Variants in GALNT13 observed in about 807,000 individuals in gnomAD.
GALNT13 encodes polypeptide N-acetylgalactosaminyltransferase 13, also known as UDP-GalNAc:polypeptide N-acetylgalactosaminyltransferase 13.
Under a neutral mutation model 64.2 loss-of-function variants are expected in GALNT13, and 28 were observed. The ratio of observed to expected loss-of-function variants is 0.44; its 90% CI spans 0.32 to 0.60. GALNT13 has a LOEUF of 0.60. GALNT13 is among the 20% of genes least tolerant of loss of function. The probability of loss-of-function intolerance (pLI) is 0.05; values close to 1 mark genes in which losing one functional copy is unlikely to be tolerated. For missense variants in GALNT13, 577 were observed against 669.8 expected (o/e 0.86, Z 1.53); for synonymous variants, 214 against 224.6 (o/e 0.95, Z 0.42).
chr2:153,299,027 G>A, the GALNT13 span, among the ~76,000 whole-genome samples: 1 of 152,118 alleles, frequency 6.6e-6, no homozygotes, highest in African/African-American at 2.4e-5. Flanking sequence ...ACAAACGTAA[G>A]ACATCTTTGA....
the GALNT13 span, among the ~76,000 whole-genome samples, chr2:153,771,011 C>T: frequency 6.6e-6 from 1 of 152,144 alleles, no homozygotes; most frequent in African/African-American, 2.4e-5. Flanking sequence ...CTCCAAACAC[C>T]TGGAGATATG....
chr2:153,522,622 G>A, the GALNT13 span, among the ~76,000 whole-genome samples: 2 of 152,112 alleles, frequency 1.3e-5, no homozygotes, highest in African/African-American at 4.8e-5. Context: ...CATATGTGGA[G>A]CATCTTTTCA....
intron 3 of GALNT13, among the ~76,000 whole-genome samples, chr2:154,024,610 G>C (rs1697802286): frequency 6.6e-6 from 1 of 151,830 alleles, no homozygotes; most frequent in African/African-American, 2.4e-5. Flanking sequence ...TTTTTTCAAA[G>C]CTTTTAACTT....
chr2:153,430,713 A>G, the GALNT13 span, among the ~76,000 whole-genome samples: 3 of 151,846 alleles, frequency 2.0e-5, no homozygotes, highest in Admixed American at 2.0e-4. Flanking sequence ...GAGGATAGTT[A>G]TGTTATTTTG....
the GALNT13 span, among the ~76,000 whole-genome samples, chr2:153,649,397 G>C: frequency 1.3e-5 from 2 of 151,206 alleles, no homozygotes; most frequent in African/African-American, 4.9e-5. Flanking sequence ...CAATTTTGTT[G>C]ATCTTTTCAA....
At chr2:153,209,123 G>A in the GALNT13 span, among the ~76,000 whole-genome samples, 4 of 151,548 alleles carry the variant, frequency 2.6e-5, no homozygotes, top group East Asian at 1.9e-4. Context: ...GACTACAGGC[G>A]CCTGCCACCA....
intron 9 of GALNT13, among the ~76,000 whole-genome samples, chr2:154,341,170 G>A (rs946769038): frequency 1.3e-5 from 2 of 151,868 alleles, no homozygotes; most frequent in African/African-American, 2.4e-5. Context: ...ATACAGGCAT[G>A]TACAAAGGAA....
At chr2:153,405,751 C>T in the GALNT13 span, among the ~76,000 whole-genome samples, 7 of 152,138 alleles carry the variant, frequency 4.6e-5, no homozygotes, top group Non-Finnish European at 8.8e-5. Flanking sequence ...ATATAAATAT[C>T]TTATTGCTAT....
chr2:153,341,766 T>C, the GALNT13 span, among the ~76,000 whole-genome samples: 1 of 152,120 alleles, frequency 6.6e-6, no homozygotes, highest in Non-Finnish European at 1.5e-5. Flanking sequence ...AGGTAAAAAA[T>C]ATAATTGTTA....
At chr2:153,451,017 G>T in the GALNT13 span, among the ~76,000 whole-genome samples, 1 of 152,048 alleles carries the variant, frequency 6.6e-6, no homozygotes, top group Non-Finnish European at 1.5e-5. Context: ...ACAATTCATT[G>T]TCATACTTTG....
chr2:153,497,521 C>CCTTT, the GALNT13 span, among the ~76,000 whole-genome samples: 1 of 54,758 alleles, frequency 1.8e-5, no homozygotes, highest in Non-Finnish European at 3.4e-5. Context: ...GTTTCTCCCG[C>CCTTT]ATTTTTTTTT....
At chr2:154,098,066 C>T (rs887503182) in intron 3 of GALNT13, among the ~76,000 whole-genome samples, 15 of 149,422 alleles carry the variant, frequency 1.0e-4, no homozygotes, top group Non-Finnish European at 1.6e-4. Flanking sequence ...CTCTAGGGCT[C>T]AGTGTGTTTC....
chr2:154,082,972 A>T (rs1353884611), intron 3 of GALNT13, among the ~76,000 whole-genome samples: 2 of 151,998 alleles, frequency 1.3e-5, no homozygotes. Context: ...TGTTTTAGTC[A>T]TGAAGTCTTT....
chr2:154,059,145 C>T (rs115520738), intron 3 of GALNT13, among the ~76,000 whole-genome samples: 202 of 152,266 alleles, frequency 1.3e-3, no homozygotes, highest in African/African-American at 3.7e-3. Context: ...TGAAAAACTG[C>T]GGTTACCGCA....
At chr2:153,210,217 A>C in the GALNT13 span, among the ~76,000 whole-genome samples, 1 of 152,126 alleles carries the variant, frequency 6.6e-6, no homozygotes, top group South Asian at 2.1e-4. Flanking sequence ...ACAATGGTGA[A>C]TAGAAGTAGT....
intron 1 of GALNT13, among the ~76,000 whole-genome samples, chr2:153,881,589 A>G (rs1271616886): frequency 1.3e-5 from 2 of 152,172 alleles, no homozygotes; most frequent in African/African-American, 4.8e-5. Context: ...TGCTTCTACA[A>G]TGCACAAATT....
intron 3 of GALNT13, among the ~76,000 whole-genome samples, chr2:154,025,902 A>G (rs1185771312): frequency 6.6e-6 from 1 of 152,132 alleles, no homozygotes; most frequent in Non-Finnish European, 1.5e-5. Context: ...AGAGGAGGAT[A>G]CATGTGAAGT....
chr2:154,124,741 G>A lies in GALNT13; in HGVS notation c.143-15596G>A, dbSNP rs7586661. 2.4e-3 allele frequency among the ~76,000 whole-genome samples: 372 copies of A among 152,172 alleles called. 4 individuals carry two copies. Among genetic ancestry groups the A allele is most frequent in the African/African-American group, 8.1e-3 (338 of 41,556 alleles). ...AGAGACATTTTAAATCAATGACCAT[G>A]AGGTTAAGTTAAATCGATTAAGAAT... On this transcript the variant is annotated intron_variant, in intron 3 of 12. Coordinates refer to ENST00000392825, the MANE Select transcript of GALNT13 (RefSeq NM_052917.4).
At chr2:153,520,350 G>A in the GALNT13 span, among the ~76,000 whole-genome samples, 1 of 151,990 alleles carries the variant, frequency 6.6e-6, no homozygotes, top group South Asian at 2.1e-4. Flanking sequence ...GTGATCTCAG[G>A]GCATCATTTG....
Sources: gnomAD v4.1 joint callset for allele counts (sites outside exome capture counted in the v4.1 genomes callset) on GRCh38, gnomAD v4.1.1 for gene constraint, MANE v1.5 for transcripts, NCBI Gene and HGNC (gene_info 2026-07-23, HGNC 2026-07-21) for gene names.